The following MACROD2 variants were observed in gnomAD, a reference collection of about 807,000 sequenced individuals.
MACROD2 encodes ADP-ribose glycohydrolase MACROD2.
Under a neutral mutation model 70.4 loss-of-function variants are expected in MACROD2, and 36 were observed. The observed-to-expected ratio is 0.51, with a 90% CI of 0.39 to 0.68. The LOEUF is 0.68. Ranked by LOEUF, MACROD2 falls within the 30% of genes least tolerant of loss-of-function variation. The pLI, the probability that MACROD2 is intolerant of heterozygous loss-of-function variation, is 0.00. For missense variants in MACROD2, 496 were observed against 538.4 expected (o/e 0.92, Z 0.78); for synonymous variants, 172 against 178.8 (o/e 0.96, Z 0.30).
intron 5 of MACROD2, among the ~76,000 whole-genome samples, chr20:14,771,275 GT>G (rs994963471): frequency 1.3e-5 from 2 of 151,956 alleles, no homozygotes; most frequent in Admixed American, 6.6e-5. Flanking sequence ...GGCAGATGGA[GT>G]TTTTTAACCT....
At chr20:14,308,813 A>C (rs1055232952) in intron 3 of MACROD2, among the ~76,000 whole-genome samples, 2 of 152,136 alleles carry the variant, frequency 1.3e-5, no homozygotes, top group Non-Finnish European at 2.9e-5. Context: ...GATAGGCCAA[A>C]GCTAAAGAGA....
At chr20:15,645,912 A>G (rs1224347403) in intron 8 of MACROD2, among the ~76,000 whole-genome samples, 2 of 152,262 alleles carry the variant, frequency 1.3e-5, no homozygotes, top group Non-Finnish European at 1.5e-5. Context: ...TCACATACAC[A>G]TGCGATATAA....
chr20:15,426,934 G>C (rs901612117), intron 6 of MACROD2, among the ~76,000 whole-genome samples: 1 of 152,086 alleles, frequency 6.6e-6, no homozygotes, highest in Non-Finnish European at 1.5e-5. Flanking sequence ...TTATGGCAGA[G>C]AACACAAACT....
chr20:14,671,777 A>G (rs770882113), intron 4 of MACROD2, among the ~76,000 whole-genome samples: 19 of 152,236 alleles, frequency 1.2e-4, no homozygotes, highest in Non-Finnish European at 2.8e-4. Context: ...TAAATTAACC[A>G]AATTCCTCAC....
intron 4 of MACROD2, among the ~76,000 whole-genome samples, chr20:14,533,615 G>C (rs17191669): frequency 6.6e-6 from 1 of 152,084 alleles, no homozygotes; most frequent in Non-Finnish European, 1.5e-5. Flanking sequence ...CATATTAAAA[G>C]ATTCTCATGT....
At chr20:14,691,916 C>G (rs149045262) in intron 5 of MACROD2, among the ~76,000 whole-genome samples, 277 of 152,218 alleles carry the variant, frequency 1.8e-3, no homozygotes, top group African/African-American at 6.2e-3. Context: ...AAAATCAACT[C>G]GGATTGGCTC....
chr20:15,737,658 T>G (rs2051043166), intron 8 of MACROD2, among the ~76,000 whole-genome samples: 1 of 152,240 alleles, frequency 6.6e-6, no homozygotes, highest in Non-Finnish European at 1.5e-5. Context: ...TCTAAATGTA[T>G]TCTAATTCAT....
At chr20:15,776,119 A>G (rs1288545468) in intron 8 of MACROD2, among the ~76,000 whole-genome samples, 1 of 152,186 alleles carries the variant, frequency 6.6e-6, no homozygotes, top group Non-Finnish European at 1.5e-5. Context: ...TTTCACTTAA[A>G]AATACAGATT....
At chr20:14,996,635 C>T (rs191228221) in intron 5 of MACROD2, among the ~76,000 whole-genome samples, 1 of 152,310 alleles carries the variant, frequency 6.6e-6, no homozygotes, top group African/African-American at 2.4e-5. Flanking sequence ...ACCACCCCTT[C>T]CTCATCCCCC....
At chr20:14,626,826 G>A (rs1322494088) in intron 4 of MACROD2, 2 of 152,228 alleles carry the variant, frequency 1.3e-5, no homozygotes, top group Non-Finnish European at 2.9e-5. Flanking sequence ...ACGGACAAGT[G>A]TGGGCAGCTG....
intron 4 of MACROD2, among the ~76,000 whole-genome samples, chr20:14,673,844 T>G (rs969417674): frequency 2.1e-5 from 3 of 143,086 alleles, no homozygotes; most frequent in African/African-American, 5.3e-5. Context: ...TGCTTGAACC[T>G]GGGAGGTGGA....
intron 3 of MACROD2, among the ~76,000 whole-genome samples, chr20:14,105,853 C>A (rs1042216486): frequency 6.6e-6 from 1 of 152,166 alleles, no homozygotes; most frequent in Non-Finnish European, 1.5e-5. Context: ...GTGAGGCCCC[C>A]TTTCTGGCCC....
In MACROD2 at chr20:14,094,785, C is replaced by T. The variant is rs138207366; in HGVS notation, c.271+9057C>T. Among the ~76,000 whole-genome samples, 328 of 152,248 alleles carry T rather than the reference C, an allele frequency of 2.2e-3. 2 individuals carry two copies. The highest frequency in any genetic ancestry group is 3.1e-3 in the Non-Finnish European group (211 of 68,026). On this transcript the variant is annotated intron_variant, in intron 3 of 17. Transcript: ENST00000684519. ...GCCACCTTTAGTTGCTCCCCATGGC[C>T]CATAAGATTAAGGGCAAACTTAGTG...
chr20:14,552,786 A>G (rs1179794047), intron 4 of MACROD2, among the ~76,000 whole-genome samples: 1 of 152,252 alleles, frequency 6.6e-6, no homozygotes, highest in South Asian at 2.1e-4. Context: ...AGGTACAGTA[A>G]AAATTTGACA....
In MACROD2 at chr20:16,051,549, G is replaced by A. The variant is rs1214754280; in HGVS notation, c.*1673G>A. 3 of 152,082 alleles carry A rather than the reference G, an allele frequency of 2.0e-5. No individual in the cohort carries two copies. The highest frequency in any genetic ancestry group is 4.4e-5 in the Non-Finnish European group (3 of 68,030). 9.4% of individuals were successfully genotyped at this position (152,082 alleles called of 1,614,324 possible). ...TGACATTTACGTGACCTCATAATGT[G>A]GGATTATGGCCTTCTGTTGCTATTC... On this transcript the variant is annotated 3_prime_UTR_variant, in exon 18 of 18. Coordinates refer to ENST00000684519, the MANE Select transcript of MACROD2 (RefSeq NM_001351661.2).
chr20:15,307,104 C>G (rs559137727), intron 6 of MACROD2, among the ~76,000 whole-genome samples: 1 of 152,218 alleles, frequency 6.6e-6, no homozygotes, highest in South Asian at 2.1e-4. Context: ...CACTAGGCCC[C>G]CACTCCAACA....
intron 5 of MACROD2, among the ~76,000 whole-genome samples, chr20:14,961,598 G>T (rs770748446): frequency 1.8e-4 from 27 of 151,966 alleles, no homozygotes; most frequent in Non-Finnish European, 3.4e-4. Flanking sequence ...CGCAATCACA[G>T]CTCACTGCAG....
At chr20:15,485,211 G>A (rs1320720129) in intron 7 of MACROD2, among the ~76,000 whole-genome samples, 2 of 151,856 alleles carry the variant, frequency 1.3e-5, no homozygotes, top group South Asian at 2.1e-4. Context: ...AAAAATGAAG[G>A]CCTGTTACTT....
chr20:14,621,474 G>A (rs958480086), intron 4 of MACROD2, among the ~76,000 whole-genome samples: 1 of 152,116 alleles, frequency 6.6e-6, no homozygotes, highest in Non-Finnish European at 1.5e-5. Context: ...AACTTTAAAA[G>A]TATCAATCAA....
Sources: allele counts gnomAD v4.1 joint callset (sites outside exome capture counted in the v4.1 genomes callset), GRCh38; gene constraint gnomAD v4.1.1; transcripts MANE v1.5; gene names NCBI Gene and HGNC (gene_info 2026-07-23, HGNC 2026-07-21).